The following AGAP3 variants were observed in gnomAD, a reference collection of about 807,000 sequenced individuals.
The protein encoded by AGAP3 is arf-GAP with GTPase, ANK repeat and PH domain-containing protein 3.
In AGAP3, 24 loss-of-function variants were observed where a neutral mutation model predicts 96.9. That is an observed-to-expected ratio of 0.25 (90% CI 0.18 to 0.35). The LOEUF (loss-of-function observed/expected upper bound fraction) is 0.35. Among genes scored for constraint, AGAP3 ranks in the 10% least tolerant of loss-of-function variants. The pLI is 1.00. For synonymous variants in AGAP3, 563 were observed against 536.1 expected (o/e 1.05, Z -0.69); for missense variants, 876 against 1,254.2 (o/e 0.70, Z 4.55).
At position 151,118,113 on chromosome 7, in the gene AGAP3, G is replaced by A. The variant is rs904204891; in HGVS notation, c.707-97G>A. ...GGTGCTCTGTGTGTTCCACTCACCA[G>A]GCCCTTTGCACACCTGCCCTTGGGC... On this transcript the variant is annotated intron_variant, in intron 5 of 17. Coordinates refer to ENST00000397238, the MANE Select transcript of AGAP3 (RefSeq NM_031946.7). This position sits in a 1 kb window ranked among gnomAD's most constrained non-coding sequence, Gnocchi z 6.1. 1.9e-4 allele frequency: 276 copies of A among 1,479,432 alleles called. 1 individual carries two copies. The highest frequency in any genetic ancestry group is 2.5e-4 in the Non-Finnish European group (268 of 1,092,262). The allele number at this position is 1,479,432 out of a possible 1,614,324, so 91.6% of individuals were successfully genotyped here. A position where few individuals can be genotyped will look rare whatever the true frequency, so the allele number is the denominator to read the frequency against.
Position 151,143,542 on chromosome 7 carries a change from T to A in AGAP3, c.2475T>A (p.Ala825=). 6.2e-7 allele frequency: 1 copy of A among 1,613,576 alleles called. No homozygotes were observed. Among genetic ancestry groups the A allele is most frequent in the Non-Finnish European group, 8.5e-7 (1 of 1,179,714 alleles). ...ATGGGGACGGGGACGGGCGGACGGC[T>A]CTACATCTCTCCAGTGCCATGGCCA... is the stretch of plus-strand genomic sequence containing the variant. ...ETYGDGDGRT[A]LHLSSAMANV... The change falls in exon 17 of 18, where the codon GCT becomes GCA. Residue 825 remains alanine, a synonymous_variant. Coordinates refer to ENST00000397238, the MANE Select transcript of AGAP3 (RefSeq NM_031946.7). The surrounding 1 kb of genome is among the most constrained non-coding windows in gnomAD (Gnocchi z 5.9).
chr7:151,140,575 C>T lies in AGAP3; in HGVS notation c.1804+459C>T, dbSNP rs1193467651. 6.6e-6 allele frequency: 1 copy of T among 152,436 alleles called. No individual in the cohort carries two copies. Among genetic ancestry groups the T allele is most frequent in the Non-Finnish European group, 1.5e-5 (1 of 68,218 alleles). The allele number at this position is 152,436 out of a possible 1,614,324, so 9.4% of individuals were successfully genotyped here. A position where few individuals can be genotyped will look rare whatever the true frequency, so the allele number is the denominator to read the frequency against. On this transcript the variant is annotated intron_variant, in intron 13 of 17. Coordinates refer to ENST00000397238, the MANE Select transcript of AGAP3 (RefSeq NM_031946.7). The surrounding 1 kb of genome is among the most constrained non-coding windows in gnomAD (Gnocchi z 5.4). Reference sequence around the variant, plus strand: ...CTTCTTCCATAGGACCTTTCTCTTCCTCTATTAATTATACTGCTGCTCCTC... The same window carrying T: ...CTTCTTCCATAGGACCTTTCTCTTCTTCTATTAATTATACTGCTGCTCCTC...
intron 1 of AGAP3, among the ~76,000 whole-genome samples, chr7:151,097,878 C>A (rs1585041668): frequency 6.6e-6 from 1 of 152,194 alleles, no homozygotes; most frequent in Non-Finnish European, 1.5e-5. Context: ...AGCATGAAAT[C>A]TATTAATATA....
chr7:151,130,067 C>T (rs1279765005), intron 10 of AGAP3, among the ~76,000 whole-genome samples: 1 of 152,216 alleles, frequency 6.6e-6, no homozygotes, highest in Non-Finnish European at 1.5e-5. Context: ...CTGCTCATGT[C>T]CAGCTGCCCA....
At chr7:151,135,001 C>T (rs564363375) in intron 11 of AGAP3, among the ~76,000 whole-genome samples, 40 of 152,256 alleles carry the variant, frequency 2.6e-4, no homozygotes, top group African/African-American at 8.7e-4. Context: ...GAGTGAGAGG[C>T]GGGTCTCTGC....
Position 151,114,789 on chromosome 7 carries a change from C to T in AGAP3, c.332-2004C>T. On this transcript the variant is annotated intron_variant, in intron 1 of 17. Coordinates refer to ENST00000397238, the MANE Select transcript of AGAP3 (RefSeq NM_031946.7). The surrounding 1 kb of genome is among the most constrained non-coding windows in gnomAD (Gnocchi z 4.4). ...CCTGAGCATGGAGCGGGGCTGGCCGCAGGGGGACAGCTGTCCCGGGGAGCG... is the reference window on the plus strand; with the variant it reads ...CCTGAGCATGGAGCGGGGCTGGCCGTAGGGGGACAGCTGTCCCGGGGAGCG... The T allele has an allele frequency of 1.9e-6, 2 of 1,036,278 alleles. No homozygotes were observed. Among genetic ancestry groups the T allele is most frequent in the Non-Finnish European group, 1.2e-6 (1 of 865,112 alleles). The allele number at this position is 1,036,278 out of a possible 1,614,324, so 64.2% of individuals were successfully genotyped here.
upstream of AGAP3, among the ~76,000 whole-genome samples, chr7:151,086,315 C>CAGCG (rs1476998906): frequency 2.1e-5 from 3 of 144,802 alleles, no homozygotes; most frequent in Non-Finnish European, 4.5e-5. Context: ...GCTGCAGAGC[C>CAGCG]AGCGAGCGAG....
At chr7:151,128,344 C>T (rs886423288) in intron 9 of AGAP3, 9 of 516,330 alleles carry the variant, frequency 1.7e-5, no homozygotes, top group Admixed American at 1.3e-4. Flanking sequence ...GCCCACCTGC[C>T]GGAACAGCGG....
At chr7:151,105,610 A>G (rs1336361201) in intron 1 of AGAP3, among the ~76,000 whole-genome samples, 1 of 151,678 alleles carries the variant, frequency 6.6e-6, no homozygotes, top group African/African-American at 2.4e-5. Context: ...AAAAAAAGAA[A>G]AAAAATTAGC....
Position 151,086,906 on chromosome 7 carries a change from C to T in AGAP3, c.165C>T (p.Gly55=). ...GGGGPSQQLA[G]GPPQQFALSN... ...GCGGCCCCTCGCAGCAGCTGGCCGG[C>T]GGGCCCCCCCAGCAGTTCGCGCTCT... The change falls in exon 1 of 18, where the codon GGC becomes GGT. Residue 55 remains glycine, a synonymous_variant. Transcript: ENST00000397238. 8 of 1,471,930 alleles carry T rather than the reference C, an allele frequency of 5.4e-6. No individual in the cohort carries two copies. The highest frequency in any genetic ancestry group is 7.2e-6 in the Non-Finnish European group (8 of 1,104,560). The allele number at this position is 1,471,930 out of a possible 1,614,324, so 91.2% of individuals were successfully genotyped here. A position where few individuals can be genotyped will look rare whatever the true frequency, so the allele number is the denominator to read the frequency against.
At chr7:151,120,279 C>T in intron 8 of AGAP3, 134 bp downstream of exon 8, 8 of 959,532 alleles carry the variant, frequency 8.3e-6, no homozygotes, top group Non-Finnish European at 1.2e-5. Context: ...CCCTCAGATA[C>T]ACACGGCTCC....
In AGAP3 at chr7:151,118,725, C is replaced by G; in HGVS notation, c.969+93C>G. 1.3e-6 allele frequency: 2 copies of G among 1,486,458 alleles called. No homozygotes were observed. The highest frequency in any genetic ancestry group is 1.8e-5 in the Admixed American group (1 of 56,880). The allele number at this position is 1,486,458 out of a possible 1,614,324, so 92.1% of individuals were successfully genotyped here. On this transcript the variant is annotated intron_variant, in intron 7 of 17. Transcript: ENST00000397238. The surrounding 1 kb of genome is among the most constrained non-coding windows in gnomAD (Gnocchi z 6.1). ...CACTTCTGCTGGCCTCCTGCTCACA[C>G]CTGTCCACCTTCCTCTGGCCTCCCA...
rs770337712 is a variant in AGAP3 at position 151,142,560 on chromosome 7, G to A, written c.2199G>A (p.Met733Ile). 6.2e-7 allele frequency: 1 copy of A among 1,613,682 alleles called. No homozygotes were observed. Among genetic ancestry groups the A allele is most frequent in the Admixed American group, 1.7e-5 (1 of 60,024 alleles). Reference sequence around the variant, plus strand: ...AGCTGCTGGCTGTCATGACTGCCATGGGCAATGCCCTCGCCAACAGCGTCT... The same window carrying A: ...AGCTGCTGGCTGTCATGACTGCCATAGGCAATGCCCTCGCCAACAGCGTCT... Reference protein sequence around the residue: ...PPELLAVMTAMGNALANSVWE... With the variant: ...PPELLAVMTAIGNALANSVWE... Residue 733 changes from methionine to isoleucine, a missense_variant, in exon 16 of 18, where the codon ATG becomes ATA. Coordinates refer to ENST00000397238, the MANE Select transcript of AGAP3 (RefSeq NM_031946.7). The surrounding 1 kb of genome is among the most constrained non-coding windows in gnomAD (Gnocchi z 7.5).
chr7:151,134,692 G>T, intron 11 of AGAP3, 124 bp downstream of exon 11: 2 of 1,024,194 alleles, frequency 2.0e-6, no homozygotes, highest in Non-Finnish European at 2.8e-6. Context: ...ACACTTCAAG[G>T]TCATCTCAGC....
At chr7:151,131,860 C>G (rs993221288) in intron 10 of AGAP3, among the ~76,000 whole-genome samples, 2 of 152,186 alleles carry the variant, frequency 1.3e-5, no homozygotes, top group Non-Finnish European at 2.9e-5. Flanking sequence ...GAAACTGTTG[C>G]AGCTGCTGTG....
At position 151,144,203 on chromosome 7, in the gene AGAP3, A is replaced by G. The variant is rs1279110478; in HGVS notation, c.*260A>G. ...GGACCCTTCGGAGGTGCCTGTGAGGAGAGGGGAGCAGGACCTCTCCCTCCT... is the reference window on the plus strand; with the variant it reads ...GGACCCTTCGGAGGTGCCTGTGAGGGGAGGGGAGCAGGACCTCTCCCTCCT... On this transcript the variant is annotated 3_prime_UTR_variant, in exon 18 of 18. Transcript: ENST00000397238. 9 of 502,368 alleles carry G rather than the reference A, an allele frequency of 1.8e-5. No homozygotes were observed. Among genetic ancestry groups the G allele is most frequent in the Admixed American group, 3.6e-5 (1 of 27,726 alleles). 31.1% of individuals were successfully genotyped at this position (502,368 alleles called of 1,614,324 possible). A position where few individuals can be genotyped will look rare whatever the true frequency, so the allele number is the denominator to read the frequency against.
At position 151,141,733 on chromosome 7, in the gene AGAP3, C is replaced by A; in HGVS notation, c.1805-165C>A. ...ACTAGTCTTGCAGGTTTACTCTGGCCTCCCCCTGCAAGCTGTCCTGGAGTG... is the reference window on the plus strand; with the variant it reads ...ACTAGTCTTGCAGGTTTACTCTGGCATCCCCCTGCAAGCTGTCCTGGAGTG... On this transcript the variant is annotated intron_variant, in intron 13 of 17. Transcript: ENST00000397238. The surrounding 1 kb of genome is among the most constrained non-coding windows in gnomAD (Gnocchi z 4.2). 1 of 776,860 alleles carries A rather than the reference C, an allele frequency of 1.3e-6. No homozygotes were observed. The highest frequency in any genetic ancestry group is 2.1e-6 in the Non-Finnish European group (1 of 475,182). 48.1% of individuals were successfully genotyped at this position (776,860 alleles called of 1,614,324 possible).
intron 8 of AGAP3, among the ~76,000 whole-genome samples, chr7:151,122,026 A>C (rs1799919401): frequency 1.3e-5 from 2 of 152,208 alleles, no homozygotes; most frequent in South Asian, 4.2e-4. Flanking sequence ...CTCTTGCCCC[A>C]GTTCCTGTCC....
chr7:151,123,012 C>A, intron 8 of AGAP3: 6 of 1,393,160 alleles, frequency 4.3e-6, no homozygotes, highest in East Asian at 2.8e-5. Flanking sequence ...GCTGCAGGCT[C>A]GCTGCATGGA....
Sources: gnomAD v4.1 joint callset for allele counts (sites outside exome capture counted in the v4.1 genomes callset) on GRCh38, gnomAD v4.1.1 for gene constraint, Gnocchi (gnomAD v3.1) non-coding constraint, MANE v1.5 for transcripts, NCBI Gene and HGNC (gene_info 2026-07-23, HGNC 2026-07-21) for gene names.